The following POU2F3 variants were observed in gnomAD, a reference collection of about 807,000 sequenced individuals.
POU2F3 encodes the protein POU class 2 homeobox 3, also known as POU domain, class 2, transcription factor 3.
Under a neutral mutation model 59.2 loss-of-function variants are expected in POU2F3, and 23 were observed. The observed-to-expected ratio is 0.39, with a 90% CI of 0.28 to 0.55. The LOEUF (loss-of-function observed/expected upper bound fraction) is 0.55. Ranked by LOEUF, POU2F3 falls within the 20% of genes least tolerant of loss-of-function variation. POU2F3 has a pLI of 0.66. For missense variants in POU2F3, 473 were observed against 544.5 expected (o/e 0.87, Z 1.31); for synonymous variants, 190 against 214.6 (o/e 0.89, Z 1.00).
At position 120,240,217 on chromosome 11, in the gene POU2F3, G is replaced by C; in HGVS notation, c.-127G>C. 4 of 1,244,676 alleles carry C rather than the reference G, an allele frequency of 3.2e-6. No homozygotes were observed. Among genetic ancestry groups the C allele is most frequent in the South Asian group, 7.8e-5 (2 of 25,682 alleles). The allele number at this position is 1,244,676 out of a possible 1,614,324, so 77.1% of individuals were successfully genotyped here. A position where few individuals can be genotyped will look rare whatever the true frequency, so the allele number is the denominator to read the frequency against. On this transcript the variant is annotated 5_prime_UTR_variant, in exon 1 of 13. Coordinates refer to ENST00000543440, the MANE Select transcript of POU2F3 (RefSeq NM_014352.4). ...GCGCGACAGTGGCGGCGACGGCTCC[G>C]GCAGCGGCTCCCGCGGCGGCGGCGG...
intron 1 of POU2F3, among the ~76,000 whole-genome samples, chr11:120,241,127 G>A (rs947101180): frequency 1.6e-4 from 25 of 152,346 alleles, no homozygotes; most frequent in African/African-American, 6.0e-4. Flanking sequence ...GCCAGGTTGG[G>A]CTTGGCTTGG....
intron 3 of POU2F3, among the ~76,000 whole-genome samples, chr11:120,281,512 C>A (rs530570565): frequency 2.0e-5 from 3 of 151,962 alleles, no homozygotes; most frequent in Non-Finnish European, 4.4e-5. Context: ...CCATACCCTC[C>A]TTGACCTCTG....
Position 120,315,408 on chromosome 11 carries a change from C to A in POU2F3, c.1116C>A (p.His372Gln). Residue 372 changes from histidine (H) to glutamine (Q), a missense_variant, in exon 11 of 13, where the codon CAC becomes CAA. Physicochemically the swap from His to Gln is conservative, Grantham distance 24. Transcript: ENST00000543440. ...GCCCCCTCTCTGTCCCTCCTGTCCA[C>A]AGTACCATGCCTGGAACAGGTGAGC... ...SLGPLSVPPV[H>Q]STMPGTVTSS... The A allele has an allele frequency of 1.2e-6, 2 of 1,613,480 alleles. No individual in the cohort carries two copies. The highest frequency in any genetic ancestry group is 1.7e-6 in the Non-Finnish European group (2 of 1,179,416).
At position 120,246,484 on chromosome 11, in the gene POU2F3, G is replaced by C; in HGVS notation, c.64G>C (p.Asp22His). 6.2e-7 allele frequency: 1 copy of C among 1,613,738 alleles called. No homozygotes were observed. The highest frequency in any genetic ancestry group is 8.5e-7 in the Non-Finnish European group (1 of 1,179,968). ...KMSGDVADST[D>H]ARSTLSQVEP... ...GAGTGGGGATGTAGCCGATTCCACGGATGCTCGCAGCACTCTCAGCCAGGT... is the reference window on the plus strand; with the variant it reads ...GAGTGGGGATGTAGCCGATTCCACGCATGCTCGCAGCACTCTCAGCCAGGT... Residue 22 changes from aspartate (D) to histidine (H), a missense_variant, in exon 2 of 13, where the codon GAT (aspartate) becomes CAT (histidine). Physicochemically the swap from Asp to His is moderately conservative, Grantham distance 81. Transcript: ENST00000543440.
At chr11:120,288,128 C>CAAAAAAAAAAAAAAAAAAAAAAAAAAAAA in intron 3 of POU2F3, among the ~76,000 whole-genome samples, 7 of 63,326 alleles carry the variant, frequency 1.1e-4, no homozygotes, top group African/African-American at 2.8e-4. Context: ...ACAAAAAAAC[C>CAAAAAAAAAAAAAAAAAAAAAAAAAAAAA]AAAAAAAAAA....
intron 1 of POU2F3, among the ~76,000 whole-genome samples, chr11:120,246,008 A>G (rs756703987): frequency 6.6e-6 from 1 of 152,104 alleles, no homozygotes; most frequent in Admixed American, 6.5e-5. Context: ...GGATGGGGTT[A>G]TTAAGGGAAA....
chr11:120,318,737 A>C lies in POU2F3; in HGVS notation c.*345A>C. 2 of 246,174 alleles carry C rather than the reference A, an allele frequency of 8.1e-6. No individual in the cohort carries two copies. The highest frequency in any genetic ancestry group is 7.7e-6 in the Non-Finnish European group (1 of 129,894). 15.2% of individuals were successfully genotyped at this position (246,174 alleles called of 1,614,324 possible). A position where few individuals can be genotyped will look rare whatever the true frequency, so the allele number is the denominator to read the frequency against. On this transcript the variant is annotated 3_prime_UTR_variant, in exon 13 of 13. Transcript: ENST00000543440. ...AAAGACTTCTTGCTGTTATTCTCCA[A>C]CTCATCCGTGGGCTTCTGGGGACAG...
chr11:120,316,457 C>T (rs1052814299), intron 11 of POU2F3, among the ~76,000 whole-genome samples: 1 of 152,172 alleles, frequency 6.6e-6, no homozygotes, highest in Non-Finnish European at 1.5e-5. Context: ...GAGACAGCGT[C>T]TTGCTCTGTT....
chr11:120,249,480 G>C (rs1939011241), intron 2 of POU2F3, among the ~76,000 whole-genome samples: 1 of 152,162 alleles, frequency 6.6e-6, no homozygotes, highest in Admixed American at 6.5e-5. Flanking sequence ...AGGTAGCTGG[G>C]ACTACAGGCA....
At chr11:120,257,885 T>C (rs563827682) in intron 2 of POU2F3, among the ~76,000 whole-genome samples, 1 of 152,218 alleles carries the variant, frequency 6.6e-6, no homozygotes, top group African/African-American at 2.4e-5. Context: ...CACATGGACC[T>C]TGGAGCCAGA....
At chr11:120,247,885 G>A (rs550950804) in intron 2 of POU2F3, among the ~76,000 whole-genome samples, 12 of 152,334 alleles carry the variant, frequency 7.9e-5, no homozygotes, top group African/African-American at 2.9e-4. Context: ...CATTGCCCAG[G>A]TGTGTGGGGA....
intron 3 of POU2F3, among the ~76,000 whole-genome samples, chr11:120,293,993 C>T (rs1941115621): frequency 6.6e-6 from 1 of 152,168 alleles, no homozygotes; most frequent in African/African-American, 2.4e-5. Flanking sequence ...CTCTCTGAGC[C>T]TCTGTGAGAT....
intron 1 of POU2F3, among the ~76,000 whole-genome samples, chr11:120,240,786 G>A (rs2135112938): frequency 6.6e-6 from 1 of 152,274 alleles, no homozygotes; most frequent in South Asian, 2.1e-4. Context: ...TGGTGTCCGG[G>A]CATATGTGTG....
At chr11:120,239,734 C>T (rs1226739253), upstream of POU2F3, among the ~76,000 whole-genome samples, 1 of 152,202 alleles carries the variant, frequency 6.6e-6, no homozygotes, top group Non-Finnish European at 1.5e-5. Context: ...AGCCACACTG[C>T]TGGTAAGCGG....
At chr11:120,302,401 G>A (rs926136193) in intron 6 of POU2F3, 33 bp downstream of exon 6, 4 of 1,545,554 alleles carry the variant, frequency 2.6e-6, no homozygotes, top group African/African-American at 2.7e-5. Flanking sequence ...TTTCCTCTAG[G>A]AATGTCTCAG....
At position 120,257,412 on chromosome 11, in the gene POU2F3, A is replaced by G. The variant is rs570214721; in HGVS notation, c.97+10895A>G. Among the ~76,000 whole-genome samples the G allele has an allele frequency of 1.7e-3, 253 of 151,194 alleles. 2 individuals carry two copies. Among genetic ancestry groups the G allele is most frequent in the African/African-American group, 5.9e-3 (243 of 41,180 alleles). On this transcript the variant is annotated intron_variant, in intron 2 of 12. Coordinates refer to ENST00000543440, the MANE Select transcript of POU2F3 (RefSeq NM_014352.4). ...ACCCTTCCCTCAGAAGTGGCCCGGC[A>G]CCACGTGACCTGCTCCTGCCACATC...
At chr11:120,270,909 G>C (rs541467576) in intron 3 of POU2F3, among the ~76,000 whole-genome samples, 147 of 152,244 alleles carry the variant, frequency 9.7e-4, no homozygotes, top group African/African-American at 3.2e-3. Context: ...GCCCAGACTG[G>C]TCTTGAATTC....
intron 6 of POU2F3, chr11:120,302,716 T>G: frequency 4.2e-6 from 1 of 239,754 alleles, no homozygotes; most frequent in Non-Finnish European, 8.1e-6. Flanking sequence ...CCACGAACCC[T>G]ACCTAGGTGC....
chr11:120,273,818 C>G (rs944927236), intron 3 of POU2F3, among the ~76,000 whole-genome samples: 1 of 152,110 alleles, frequency 6.6e-6, no homozygotes, highest in Non-Finnish European at 1.5e-5. Flanking sequence ...GAGTTCAAGA[C>G]CAGCCTGGTC....
Sources: gnomAD v4.1 joint callset for allele counts (sites outside exome capture counted in the v4.1 genomes callset) on GRCh38, gnomAD v4.1.1 for gene constraint, MANE v1.5 for transcripts, NCBI Gene and HGNC (gene_info 2026-07-23, HGNC 2026-07-21) for gene names.